The following FAM184B variants were observed in gnomAD, a reference collection of about 807,000 sequenced individuals.
The protein encoded by FAM184B is protein FAM184B.
FAM184B carries 111 observed loss-of-function variants against 135.9 expected under a neutral mutation model. That is an observed-to-expected ratio of 0.82 (90% CI 0.70 to 0.96). The LOEUF (loss-of-function observed/expected upper bound fraction) is 0.96, where lower values mean the gene tolerates loss of function less well. Ranked by LOEUF, FAM184B falls within the 40% of genes least tolerant of loss-of-function variation. FAM184B has a pLI of 0.00. For synonymous variants in FAM184B, 552 were observed against 524.8 expected, an observed-to-expected ratio of 1.05 and a Z score of -0.71; for missense variants, 1,375 against 1,323.9, an observed-to-expected ratio of 1.04 and a Z score of -0.60.
At position 17,632,557 on chromosome 4, in the gene FAM184B, C is replaced by G; in HGVS notation, c.3158G>C (p.Trp1053Ser). 1 of 1,551,324 alleles carries G rather than the reference C, an allele frequency of 6.4e-7. No homozygotes were observed. Among genetic ancestry groups the G allele is most frequent in the Non-Finnish European group, 8.7e-7 (1 of 1,146,756 alleles). The change falls in exon 18 of 18, where the codon TGG becomes TCG. Residue 1053 changes from tryptophan to serine, a missense_variant. By Grantham distance (177) the Trp-to-Ser change is radical. Coordinates refer to ENST00000265018, the MANE Select transcript of FAM184B (RefSeq NM_015688.2). ...QQKQGSPHQEWFTKYFSF is the reference protein window; with the variant it reads ...QQKQGSPHQESFTKYFSF Reference sequence around the variant, plus strand: ...TTAGAAAGAAAAGTACTTGGTGAACCATTCCTGGTGCGGAGAGCCCTGTTT... The same window carrying G: ...TTAGAAAGAAAAGTACTTGGTGAACGATTCCTGGTGCGGAGAGCCCTGTTT...
chr4:17,768,136 TTC>T (rs1225901089), intron 1 of FAM184B, among the ~76,000 whole-genome samples: 2 of 152,242 alleles, frequency 1.3e-5, no homozygotes, highest in Non-Finnish European at 2.9e-5. Flanking sequence ...TATTTACAGT[TTC>T]TTTTTCTTTT....
chr4:17,774,684 T>A (rs1718886763), intron 1 of FAM184B, among the ~76,000 whole-genome samples: 1 of 152,236 alleles, frequency 6.6e-6, no homozygotes, highest in East Asian at 1.9e-4. Context: ...CCTGTCACCA[T>A]TCTCTCTTCT....
intron 3 of FAM184B, among the ~76,000 whole-genome samples, chr4:17,707,056 G>T (rs1455836322): frequency 6.6e-6 from 1 of 152,000 alleles, no homozygotes; most frequent in East Asian, 1.9e-4. Flanking sequence ...CCAAAGTGCT[G>T]GGATTATAAG....
chr4:17,777,172 T>C (rs903949845), intron 1 of FAM184B, among the ~76,000 whole-genome samples: 3 of 152,028 alleles, frequency 2.0e-5, no homozygotes, highest in Non-Finnish European at 2.9e-5. Flanking sequence ...GATAAATAAG[T>C]AATAAAAAGG....
At chr4:17,642,003 G>A (rs1241366001) in intron 13 of FAM184B, 53 bp downstream of exon 13, 1 of 1,472,478 alleles carries the variant, frequency 6.8e-7, no homozygotes, top group Non-Finnish European at 8.9e-7. Flanking sequence ...GAGGGGGGGT[G>A]GCGGGGTAGG....
At chr4:17,716,916 G>C (rs1277387010) in intron 1 of FAM184B, among the ~76,000 whole-genome samples, 1 of 152,060 alleles carries the variant, frequency 6.6e-6, no homozygotes, top group Non-Finnish European at 1.5e-5. Context: ...GAGTCCAAGC[G>C]AGTCTCCTGC....
At chr4:17,695,472 C>T (rs141654339) in intron 5 of FAM184B, among the ~76,000 whole-genome samples, 83 of 152,272 alleles carry the variant, frequency 5.5e-4, no homozygotes, top group African/African-American at 1.5e-3. Flanking sequence ...AGCTTCACTA[C>T]GGCTTCCTTC....
At chr4:17,638,742 C>CA (rs1359728176) in intron 14 of FAM184B, among the ~76,000 whole-genome samples, 8 of 152,112 alleles carry the variant, frequency 5.3e-5, no homozygotes, top group Non-Finnish European at 1.0e-4. Flanking sequence ...AGGGTTAAAC[C>CA]AATGCTCATC....
Position 17,635,761 on chromosome 4 carries a change from CAG to C in FAM184B, c.2785-650_2785-649del, listed in dbSNP as rs1170791968. Among the ~76,000 whole-genome samples the C allele has an allele frequency of 4.0e-5, 6 of 151,634 alleles. 1 individual carries two copies. Among genetic ancestry groups the C allele is most frequent in the African/African-American group, 1.2e-4 (5 of 41,358 alleles). On this transcript the variant is annotated intron_variant, in intron 15 of 17. Coordinates refer to ENST00000265018, the MANE Select transcript of FAM184B (RefSeq NM_015688.2). ...TCAATGTCACCTAATTTTCAAAGCA[CAG>C]AGAGATACAGAAGTGAGGCAGGTGA...
rs79488502 is a variant in FAM184B at position 17,642,989 on chromosome 4, G to A, written c.2347-761C>T. On this transcript the variant is annotated intron_variant, in intron 12 of 17. Transcript: ENST00000265018. The stretch of plus-strand genomic sequence containing the variant: ...CAGTAATTGCACAGCTGTGCACGGG[G>A]AGAATCTGTGGCCCAGGCCCCATGT... 2.4e-3 allele frequency among the ~76,000 whole-genome samples: 371 copies of A among 152,370 alleles called. 4 individuals carry two copies. The highest frequency in any genetic ancestry group is 8.2e-3 in the African/African-American group (341 of 41,598).
chr4:17,744,413 C>G (rs1339031657), intron 1 of FAM184B, among the ~76,000 whole-genome samples: 1 of 151,240 alleles, frequency 6.6e-6, no homozygotes, highest in African/African-American at 2.4e-5. Flanking sequence ...GCCTTGGGGG[C>G]TGGGACTAGG....
At chr4:17,686,459 T>A (rs967923291) in intron 7 of FAM184B, among the ~76,000 whole-genome samples, 1 of 152,220 alleles carries the variant, frequency 6.6e-6, no homozygotes, top group Non-Finnish European at 1.5e-5. Context: ...CTTAACCCAA[T>A]GACAGCTGGA....
intron 15 of FAM184B, among the ~76,000 whole-genome samples, chr4:17,635,608 T>C (rs1715100817): frequency 6.6e-6 from 1 of 151,988 alleles, no homozygotes. Flanking sequence ...ATTACTAAAT[T>C]CCAGTTATTA....
chr4:17,635,739 A>G (rs966975120), intron 15 of FAM184B, among the ~76,000 whole-genome samples: 25 of 152,238 alleles, frequency 1.6e-4, no homozygotes, highest in African/African-American at 5.8e-4. Flanking sequence ...TTCCATATCA[A>G]TGTCACCTAA....
intron 8 of FAM184B, among the ~76,000 whole-genome samples, chr4:17,660,807 TG>T (rs1422616755): frequency 6.6e-6 from 1 of 152,048 alleles, no homozygotes. Context: ...TGCCACATGG[TG>T]GGGTTCTCTG....
At position 17,678,790 on chromosome 4, in the gene FAM184B, C is replaced by G. The variant is rs189136138; in HGVS notation, c.1596+9634G>C. Among the ~76,000 whole-genome samples the G allele has an allele frequency of 9.2e-5, 14 of 152,154 alleles. No homozygotes were observed. The East Asian group carries it at 2.7e-3, about 29-fold the overall frequency. ...CTGACTTCAAACTATACTATAAGGC[C>G]ATAGTCACTAAAACAGCATGGTACT... On this transcript the variant is annotated intron_variant, in intron 7 of 17. Coordinates refer to ENST00000265018, the MANE Select transcript of FAM184B (RefSeq NM_015688.2).
chr4:17,777,766 A>T (rs1718956120), intron 1 of FAM184B, among the ~76,000 whole-genome samples: 1 of 152,186 alleles, frequency 6.6e-6, no homozygotes, highest in African/African-American at 2.4e-5. Context: ...TAATGGAGGT[A>T]ATGGCTAGGA....
chr4:17,691,521 AC>A (rs1282445700), intron 6 of FAM184B, among the ~76,000 whole-genome samples: 4 of 152,014 alleles, frequency 2.6e-5, no homozygotes, highest in African/African-American at 9.7e-5. Context: ...CCCCGTCTTT[AC>A]TAAAATGCAA....
intron 1 of FAM184B, among the ~76,000 whole-genome samples, chr4:17,712,203 A>G (rs1717292506): frequency 6.6e-6 from 1 of 152,176 alleles, no homozygotes; most frequent in Non-Finnish European, 1.5e-5. Context: ...AGCAAGATGG[A>G]AAGATGGAGC....
Sources: allele counts gnomAD v4.1 joint callset (sites outside exome capture counted in the v4.1 genomes callset), GRCh38; gene constraint gnomAD v4.1.1; transcripts MANE v1.5; gene names NCBI Gene and HGNC (gene_info 2026-07-23, HGNC 2026-07-21).